The following PRKCQ variants were observed in gnomAD, a reference collection of about 807,000 sequenced individuals.
PRKCQ encodes protein kinase C theta.
PRKCQ carries 41 observed loss-of-function variants against 91.2 expected under a neutral mutation model. The observed-to-expected ratio is 0.45, with a 90% confidence interval of 0.35 to 0.58. PRKCQ has a LOEUF of 0.58. Ranked by LOEUF, PRKCQ falls within the 20% of genes least tolerant of loss-of-function variation. The pLI, the probability that PRKCQ is intolerant of heterozygous loss-of-function variation, is 0.00. For missense variants in PRKCQ, 673 were observed against 896.5 expected, an observed-to-expected ratio of 0.75 and a Z score of 3.18; for synonymous variants, 307 against 316.9, an observed-to-expected ratio of 0.97 and a Z score of 0.33.
downstream of PRKCQ, among the ~76,000 whole-genome samples, chr10:6,422,896 C>T (rs1474789003): frequency 2.0e-5 from 3 of 152,148 alleles, no homozygotes; most frequent in East Asian, 1.9e-4. Context: ...CTCAGATGAC[C>T]CCCTGGTGGG....
chr10:6,477,698 T>C (rs1056271833), intron 12 of PRKCQ, among the ~76,000 whole-genome samples: 2 of 152,168 alleles, frequency 1.3e-5, no homozygotes, highest in African/African-American at 4.8e-5. Flanking sequence ...TGAAACCCTG[T>C]CTCTACTAAA....
intron 1 of PRKCQ, among the ~76,000 whole-genome samples, chr10:6,530,084 G>A (rs1348285259): frequency 6.6e-6 from 1 of 152,164 alleles, no homozygotes; most frequent in Non-Finnish European, 1.5e-5. Flanking sequence ...ATATTGCAAA[G>A]CACTGCACTG....
the PRKCQ span, among the ~76,000 whole-genome samples, chr10:6,404,578 T>C: frequency 0.081 from 7,403 of 91,356 alleles, 337 homozygotes; most frequent in South Asian, 0.2. Flanking sequence ...TCTTTCTCTT[T>C]CTTTCTTTCT....
Position 6,561,038 on chromosome 10 carries a change from C to CAA in PRKCQ, c.-10+19171_-10+19172dup, listed in dbSNP as rs35347205. On this transcript the variant is annotated intron_variant, in intron 1 of 17. Transcript: ENST00000263125. ...TGGGCGACAGAGGGAGACTCCATTT[C>CAA]AAAAAAAAAAAAAAATTTATTCTTT... 1.1e-3 allele frequency among the ~76,000 whole-genome samples: 162 copies of CAA among 140,922 alleles called. No homozygotes were observed. The Middle Eastern group carries it at 0.014, about 12-fold the overall frequency. The allele number at this position is 140,922 out of a possible 152,430, so 92.5% of individuals were successfully genotyped here. A position where few individuals can be genotyped will look rare whatever the true frequency, so the allele number is the denominator to read the frequency against.
chr10:6,482,330 G>A (rs759363332), intron 11 of PRKCQ, among the ~76,000 whole-genome samples: 1 of 152,152 alleles, frequency 6.6e-6, no homozygotes, highest in Non-Finnish European at 1.5e-5. Context: ...AGAGTGTGGT[G>A]GCACAACTGT....
At chr10:6,563,939 C>T (rs1840732562) in intron 1 of PRKCQ, among the ~76,000 whole-genome samples, 1 of 152,144 alleles carries the variant, frequency 6.6e-6, no homozygotes, top group Non-Finnish European at 1.5e-5. Context: ...TTGACACAGC[C>T]CGTGGGGGCC....
At chr10:6,508,099 T>C (rs1322532204) in intron 3 of PRKCQ, among the ~76,000 whole-genome samples, 2 of 152,204 alleles carry the variant, frequency 1.3e-5, no homozygotes, top group African/African-American at 4.8e-5. Flanking sequence ...TATAAATGTA[T>C]ATAAATACAT....
chr10:6,460,743 G>A (rs971358131), intron 14 of PRKCQ, among the ~76,000 whole-genome samples: 4 of 152,036 alleles, frequency 2.6e-5, no homozygotes, highest in Admixed American at 2.6e-4. Flanking sequence ...CATCTGCCTT[G>A]GCCTCCCAAA....
chr10:6,517,514 A>G (rs148149780), intron 1 of PRKCQ, among the ~76,000 whole-genome samples: 14 of 148,028 alleles, frequency 9.5e-5, no homozygotes, highest in Middle Eastern at 3.5e-3. Flanking sequence ...CTGCGTTACT[A>G]AAGTCTGTAG....
intron 1 of PRKCQ, among the ~76,000 whole-genome samples, chr10:6,526,149 A>G (rs925162700): frequency 4.6e-5 from 7 of 152,204 alleles, no homozygotes; most frequent in Non-Finnish European, 1.0e-4. Flanking sequence ...ATGTTCCACA[A>G]TTGGAAAAAT....
At chr10:6,429,502 C>T (rs970724979) in intron 17 of PRKCQ, among the ~76,000 whole-genome samples, 2 of 152,014 alleles carry the variant, frequency 1.3e-5, no homozygotes, top group African/African-American at 2.4e-5. Flanking sequence ...TCTGGCCATT[C>T]GCTATCATGA....
At chr10:6,545,699 T>C (rs1025680889) in intron 1 of PRKCQ, among the ~76,000 whole-genome samples, 1 of 152,182 alleles carries the variant, frequency 6.6e-6, no homozygotes, top group Non-Finnish European at 1.5e-5. Context: ...AATGTTCTCA[T>C]GTCCCTGAAC....
At chr10:6,535,678 G>A (rs1332622964) in intron 1 of PRKCQ, among the ~76,000 whole-genome samples, 1 of 152,092 alleles carries the variant, frequency 6.6e-6, no homozygotes, top group Non-Finnish European at 1.5e-5. Context: ...CCTGCACTGA[G>A]CGCTGTTTCA....
At chr10:6,534,564 A>G (rs1167347713) in intron 1 of PRKCQ, among the ~76,000 whole-genome samples, 1 of 152,070 alleles carries the variant, frequency 6.6e-6, no homozygotes, top group Non-Finnish European at 1.5e-5. Flanking sequence ...TGATAAGGAA[A>G]GTGTAAGAAA....
At chr10:6,517,623 A>C (rs1935795919) in intron 1 of PRKCQ, among the ~76,000 whole-genome samples, 1 of 51,744 alleles carries the variant, frequency 1.9e-5, no homozygotes, top group African/African-American at 1.1e-4. Flanking sequence ...TTTTTTTTTT[A>C]CAACCTTTCC....
the PRKCQ span, among the ~76,000 whole-genome samples, chr10:6,406,948 A>C: frequency 6.6e-6 from 1 of 152,252 alleles, no homozygotes; most frequent in African/African-American, 2.4e-5. Context: ...AATAAAGTTG[A>C]AATGAACGAA....
At chr10:6,547,920 G>GA (rs1840025954) in intron 1 of PRKCQ, among the ~76,000 whole-genome samples, 1 of 150,016 alleles carries the variant, frequency 6.7e-6, no homozygotes, top group Non-Finnish European at 1.5e-5. Flanking sequence ...CACAGCAAAA[G>GA]AAACTACCAT....
rs1298462535 is a variant in PRKCQ at position 6,576,141 on chromosome 10, A to G, written c.-10+4070T>C. Reference sequence around the variant, plus strand: ...AAACGGTCCAGCCACTGTGGAAAACAATATGGCAGTTCCTCAAAAAATTAA... The same window carrying G: ...AAACGGTCCAGCCACTGTGGAAAACGATATGGCAGTTCCTCAAAAAATTAA... On this transcript the variant is annotated intron_variant, in intron 1 of 17. Coordinates refer to ENST00000263125, the MANE Select transcript of PRKCQ (RefSeq NM_006257.5). This position sits in a 1 kb window ranked among gnomAD's most constrained non-coding sequence, Gnocchi z 4.2. Among the ~76,000 whole-genome samples the G allele has an allele frequency of 6.6e-6, 1 of 152,206 alleles. No individual in the cohort carries two copies. Among genetic ancestry groups the G allele is most frequent in the Non-Finnish European group, 1.5e-5 (1 of 68,038 alleles).
chr10:6,477,462 C>T (rs1836330139), intron 12 of PRKCQ, among the ~76,000 whole-genome samples: 1 of 152,240 alleles, frequency 6.6e-6, no homozygotes, highest in Non-Finnish European at 1.5e-5. Context: ...GCCCCAGTTG[C>T]CATCCACTTT....
Sources: gnomAD v4.1 joint callset for allele counts (sites outside exome capture counted in the v4.1 genomes callset) on GRCh38, gnomAD v4.1.1 for gene constraint, Gnocchi (gnomAD v3.1) non-coding constraint, MANE v1.5 for transcripts, NCBI Gene and HGNC (gene_info 2026-07-23, HGNC 2026-07-21) for gene names.